DPF3: variants seen among roughly 807,000 people sequenced by gnomAD.
The protein encoded by DPF3 is double PHD fingers 3, also known as zinc finger protein DPF3.
DPF3 carries 18 observed loss-of-function variants against 56.8 expected under a neutral mutation model. That is an observed-to-expected ratio of 0.32 (90% CI 0.22 to 0.47). DPF3 has a LOEUF of 0.47. Ranked by LOEUF, DPF3 falls within the 20% of genes least tolerant of loss-of-function variation. DPF3 has a pLI of 1.00. For synonymous variants in DPF3, 188 were observed against 180.2 expected (o/e 1.04, Z -0.35); for missense variants, 403 against 488.8 (o/e 0.82, Z 1.65).
chr14:72,861,731 A>AAGAAAG lies in DPF3; in HGVS notation c.32+32320_32+32325dup, dbSNP rs1381480460. Among the ~76,000 whole-genome samples the AAGAAAG allele has an allele frequency of 4.4e-3, 348 of 78,420 alleles. 5 individuals carry two copies. The highest frequency in any genetic ancestry group is 0.018 in the African/African-American group (331 of 18,072). The allele number at this position is 78,420 out of a possible 152,430, so 51.4% of individuals were successfully genotyped here. A position where few individuals can be genotyped will look rare whatever the true frequency, so the allele number is the denominator to read the frequency against. On this transcript the variant is annotated intron_variant, in intron 1 of 10. Transcript: ENST00000556509. The stretch of plus-strand genomic sequence containing the variant: ...GAGAAAGAAGAAAGAGAGAGAAAGA[A>AAGAAAG]AGAAAGAGAAAGAAAGAAAGAAAGA...
chr14:72,670,131 C>T (rs1886604129), intron 8 of DPF3: 1 of 985,702 alleles, frequency 1.0e-6, no homozygotes. Flanking sequence ...AATACGGTAG[C>T]CTTGATCATC....
intron 8 of DPF3, among the ~76,000 whole-genome samples, chr14:72,664,098 T>C (rs1467459388): frequency 1.3e-5 from 2 of 151,994 alleles, no homozygotes; most frequent in East Asian, 3.9e-4. Context: ...TGCCTCTAGC[T>C]CCTTCCCTTG....
intron 8 of DPF3, among the ~76,000 whole-genome samples, chr14:72,643,320 C>T (rs530682695): frequency 1.3e-5 from 2 of 152,310 alleles, no homozygotes; most frequent in South Asian, 4.1e-4. Context: ...GGTGAACTAG[C>T]TGTCCCCTCA....
intron 5 of DPF3, among the ~76,000 whole-genome samples, chr14:72,716,366 G>A (rs1472835621): frequency 6.6e-6 from 1 of 152,124 alleles, no homozygotes; most frequent in Non-Finnish European, 1.5e-5. Context: ...CAGGGGACAT[G>A]CAAGGGACTC....
rs779569654 is a variant in DPF3 at position 72,693,182 on chromosome 14, C to T, written c.636G>A (p.Gly212=). 2.5e-6 allele frequency: 4 copies of T among 1,613,810 alleles called. No individual in the cohort carries two copies. Among genetic ancestry groups the T allele is most frequent in the Non-Finnish European group, 3.4e-6 (4 of 1,179,888 alleles). The change falls in exon 7 of 11, where the codon GGG becomes GGA. Residue 212 remains glycine (G), a synonymous_variant. Transcript: ENST00000556509. ...GAGTGTGAGCATAGTGGTAGCTGAG[C>T]CCCGGTCGGTTCTTGTAGCGCTTGC... ...ICGKRYKNRP[G]LSYHYAHTHL... is the part of the protein sequence containing the mutation.
chr14:72,879,630 G>A (rs1225524557), intron 1 of DPF3, among the ~76,000 whole-genome samples: 2 of 152,258 alleles, frequency 1.3e-5, no homozygotes, highest in East Asian at 3.9e-4. Context: ...ACAGGGTGGA[G>A]GTGGAGGACA....
chr14:72,671,474 T>C (rs767132248), intron 8 of DPF3: 10 of 1,247,844 alleles, frequency 8.0e-6, no homozygotes, highest in Admixed American at 5.0e-5. Context: ...ATTAACCCGG[T>C]GCATCACCTG....
chr14:72,822,430 T>TAAA (rs766485752), intron 1 of DPF3, among the ~76,000 whole-genome samples: 14,201 of 152,070 alleles, frequency 0.093, 812 homozygotes, highest in Admixed American at 0.18. Flanking sequence ...GTTAAAAAAT[T>TAAA]TTTAAAGGTG....
chr14:72,693,045 C>T (rs926448178), intron 7 of DPF3, 31 bp downstream of exon 7: 1 of 1,612,926 alleles, frequency 6.2e-7, no homozygotes, highest in African/African-American at 1.3e-5. Context: ...CCCACTTCTT[C>T]ACTGCCCCAA....
chr14:72,688,039 G>A (rs1409355119), intron 7 of DPF3, among the ~76,000 whole-genome samples: 1 of 151,710 alleles, frequency 6.6e-6, no homozygotes. Flanking sequence ...TGAGCTCAAA[G>A]ACAGGGCTGA....
At chr14:72,688,156 G>T (rs1202555797) in intron 7 of DPF3, among the ~76,000 whole-genome samples, 1 of 63,892 alleles carries the variant, frequency 1.6e-5, no homozygotes, top group Non-Finnish European at 2.8e-5. Flanking sequence ...GATGGATGAT[G>T]GATGGATGGA....
chr14:72,711,918 T>C (rs1031451923), intron 6 of DPF3, among the ~76,000 whole-genome samples: 1 of 150,966 alleles, frequency 6.6e-6, no homozygotes, highest in Non-Finnish European at 1.5e-5. Context: ...CTTGCCCAGT[T>C]TGGGGGTGGT....
chr14:72,649,663 G>A (rs562945448), intron 8 of DPF3, among the ~76,000 whole-genome samples: 34 of 138,924 alleles, frequency 2.4e-4, no homozygotes, highest in South Asian at 7.7e-4. Flanking sequence ...CCCTGGGTGG[G>A]GGGGGGGATT....
chr14:72,772,869 C>A (rs1318107160), intron 1 of DPF3, among the ~76,000 whole-genome samples: 1 of 152,012 alleles, frequency 6.6e-6, no homozygotes, highest in Non-Finnish European at 1.5e-5. Flanking sequence ...TAAATTCAAG[C>A]CTCTTACTGG....
chr14:72,742,783 T>TG (rs1890179049), intron 3 of DPF3: 1 of 152,416 alleles, frequency 6.6e-6, no homozygotes, highest in Admixed American at 6.5e-5. Flanking sequence ...TTTCAAAAGC[T>TG]GGGGAAGTTG....
chr14:72,760,531 A>C lies in DPF3; in HGVS notation c.194-7160T>G, dbSNP rs1452732261. On this transcript the variant is annotated intron_variant, in intron 2 of 10. Coordinates refer to ENST00000556509, the MANE Select transcript of DPF3 (RefSeq NM_001280542.3). ...AACATACGCACAGATTTCAGTAATTAAAATGTGGATGTCTGAGGTGAGGAG... is the reference window on the plus strand; with the variant it reads ...AACATACGCACAGATTTCAGTAATTCAAATGTGGATGTCTGAGGTGAGGAG... Among the ~76,000 whole-genome samples, 3 of 152,204 alleles carry C rather than the reference A, an allele frequency of 2.0e-5. No individual in the cohort carries two copies. In the East Asian group the frequency reaches 5.8e-4, roughly 29 times the overall value.
chr14:72,822,274 G>T (rs1344904739), intron 1 of DPF3, among the ~76,000 whole-genome samples: 1 of 152,094 alleles, frequency 6.6e-6, no homozygotes, highest in Non-Finnish European at 1.5e-5. Flanking sequence ...CCAGCTACTC[G>T]GGAGGCTGAG....
At chr14:72,872,591 C>A (rs1885943863) in intron 1 of DPF3, among the ~76,000 whole-genome samples, 1 of 152,086 alleles carries the variant, frequency 6.6e-6, no homozygotes, top group Admixed American at 6.6e-5. Context: ...CATATGGAAC[C>A]AAAAAAGAGC....
intron 5 of DPF3, among the ~76,000 whole-genome samples, chr14:72,716,538 C>T (rs530821432): frequency 6.6e-6 from 1 of 152,276 alleles, no homozygotes; most frequent in South Asian, 2.1e-4. Flanking sequence ...CCTCCCATTT[C>T]ATCATGGCAC....
Sources: gnomAD v4.1 joint callset for allele counts (sites outside exome capture counted in the v4.1 genomes callset) on GRCh38, gnomAD v4.1.1 for gene constraint, MANE v1.5 for transcripts, NCBI Gene and HGNC (gene_info 2026-07-23, HGNC 2026-07-21) for gene names.